The following SLC7A8 variants were observed in gnomAD, a reference collection of about 807,000 sequenced individuals.
The protein encoded by SLC7A8 is solute carrier family 7 member 8.
In SLC7A8, 30 loss-of-function variants were observed where a neutral mutation model predicts 51.2. The ratio of observed to expected loss-of-function variants is 0.59; its 90% CI spans 0.44 to 0.80. SLC7A8 has a LOEUF of 0.80. SLC7A8 is among the 30% of genes least tolerant of loss of function. SLC7A8 has a pLI of 0.00. For missense variants in SLC7A8, 612 were observed against 674.4 expected (o/e 0.91, Z 1.03); for synonymous variants, 257 against 275.8 (o/e 0.93, Z 0.67).
At chr14:23,152,009 T>A (rs545645343) in intron 3 of SLC7A8, among the ~76,000 whole-genome samples, 2 of 152,008 alleles carry the variant, frequency 1.3e-5, no homozygotes, top group South Asian at 4.2e-4. Flanking sequence ...GCCACTGCAC[T>A]CCAGCCTGGG....
chr14:23,138,150 C>T, intron 6 of SLC7A8, 126 bp from the exon 7 acceptor site: 1 of 1,198,000 alleles, frequency 8.3e-7, no homozygotes, highest in South Asian at 1.5e-5. Context: ...CGCCAAGCTT[C>T]TTAATTGCCC....
At chr14:23,143,335 C>T (rs2048762923) in intron 3 of SLC7A8, 131 bp from the exon 4 acceptor site, 2 of 1,291,382 alleles carry the variant, frequency 1.5e-6, no homozygotes, top group Admixed American at 2.2e-5. Flanking sequence ...ATCCAGCAAG[C>T]TCAACCCCAG....
chr14:23,166,272 A>AC, intron 2 of SLC7A8, 64 bp downstream of exon 2: 4 of 1,568,750 alleles, frequency 2.5e-6, no homozygotes, highest in Non-Finnish European at 3.5e-6. Flanking sequence ...TTCCAATCTG[A>AC]CCTCCTTCTG....
At chr14:23,140,249 T>C (rs2048730322) in intron 5 of SLC7A8, among the ~76,000 whole-genome samples, 1 of 152,160 alleles carries the variant, frequency 6.6e-6, no homozygotes, top group Admixed American at 6.5e-5. Flanking sequence ...CAGCTTCTAA[T>C]CTGCTCTGGG....
At chr14:23,144,884 G>A (rs1472770631) in intron 3 of SLC7A8, among the ~76,000 whole-genome samples, 1 of 151,440 alleles carries the variant, frequency 6.6e-6, no homozygotes, top group Non-Finnish European at 1.5e-5. Flanking sequence ...AACAATCCCA[G>A]ACCACTTTGT....
intron 3 of SLC7A8, among the ~76,000 whole-genome samples, chr14:23,152,474 C>T (rs1240754041): frequency 6.6e-6 from 1 of 151,648 alleles, no homozygotes; most frequent in Non-Finnish European, 1.5e-5. Context: ...GGCTGGAGTG[C>T]AGTGGCATGA....
rs527860561 is a variant in SLC7A8, at chr14:23,165,563, C to T, written c.357-127G>A. 3 of 962,102 alleles carry T rather than the reference C, an allele frequency of 3.1e-6. No homozygotes were observed. The highest frequency in any genetic ancestry group is 3.5e-5 in the African/African-American group (2 of 57,088). 59.6% of individuals were successfully genotyped at this position (962,102 alleles called of 1,614,324 possible). On this transcript the variant is annotated intron_variant, in intron 2 of 10. Transcript: ENST00000316902. The surrounding 1 kb of genome is among the most constrained non-coding windows in gnomAD (Gnocchi z 4.2). ...TGCTGAAGAGCCCAGCCTCTGCCCC[C>T]ACCCACAAATGAGACACCCAGCCCT...
At chr14:23,164,766 C>T (rs1027530211) in intron 3 of SLC7A8, among the ~76,000 whole-genome samples, 11 of 151,808 alleles carry the variant, frequency 7.2e-5, no homozygotes, top group East Asian at 1.9e-4. Context: ...CCAAGGCGGG[C>T]GGATCACTTG....
chr14:23,173,134 T>A (rs1252533858), intron 1 of SLC7A8, among the ~76,000 whole-genome samples: 1 of 152,250 alleles, frequency 6.6e-6, no homozygotes, highest in Non-Finnish European at 1.5e-5. Flanking sequence ...ATACTCACCA[T>A]GTACTAGGTT....
At chr14:23,172,357 G>A (rs1327703370) in intron 1 of SLC7A8, among the ~76,000 whole-genome samples, 1 of 152,216 alleles carries the variant, frequency 6.6e-6, no homozygotes, top group Non-Finnish European at 1.5e-5. Context: ...AGGTGGGCGG[G>A]CAGCAGGTAA....
At chr14:23,134,405 C>G (rs1183723105) in intron 7 of SLC7A8, among the ~76,000 whole-genome samples, 1 of 124,004 alleles carries the variant, frequency 8.1e-6, no homozygotes, top group East Asian at 2.4e-4. Context: ...CCACTGCACT[C>G]CAGCCTGGGT....
chr14:23,171,894 C>A (rs902122926), intron 1 of SLC7A8, among the ~76,000 whole-genome samples: 2 of 152,158 alleles, frequency 1.3e-5, no homozygotes, highest in African/African-American at 2.4e-5. Flanking sequence ...CTGACACATG[C>A]CCTGAGGAGT....
In SLC7A8 at chr14:23,140,573, G is replaced by A; in HGVS notation, c.686C>T (p.Pro229Leu). 6.2e-7 allele frequency: 1 copy of A among 1,614,106 alleles called. No individual in the cohort carries two copies. The highest frequency in any genetic ancestry group is 8.5e-7 in the Non-Finnish European group (1 of 1,179,968). The change falls in exon 5 of 11, where the codon CCT becomes CTT. Residue 229 changes from proline to leucine, a missense_variant. Pro to Leu is a moderately conservative substitution (Grantham distance 98, BLOSUM62 -3). Coordinates refer to ENST00000316902, the MANE Select transcript of SLC7A8 (RefSeq NM_012244.4). ...PKNAFENFQE[P>L]DIGLVALAFL... ...AGCCAGTGCGACGAGGCCGATGTCAGGTTCCTGGAAATTCTCAAATGCATT... is the reference window on the plus strand; with the variant it reads ...AGCCAGTGCGACGAGGCCGATGTCAAGTTCCTGGAAATTCTCAAATGCATT...
chr14:23,168,288 T>C (rs2048959859), intron 1 of SLC7A8, among the ~76,000 whole-genome samples: 1 of 152,208 alleles, frequency 6.6e-6, no homozygotes, highest in Non-Finnish European at 1.5e-5. Flanking sequence ...TATTCAGAAG[T>C]ACTGGGTTAG....
In SLC7A8 at chr14:23,165,443, G is replaced by A. The variant is rs2048944635; in HGVS notation, c.357-7C>T. On this transcript the variant is annotated splice_region_variant and splice_polypyrimidine_tract_variant and intron_variant, in intron 2 of 10. Transcript: ENST00000316902. The surrounding 1 kb of genome is among the most constrained non-coding windows in gnomAD (Gnocchi z 4.2). ...AATCCACAGCCTCAGGAACCTGAAG[G>A]AGGAAAGGGACATCCGCCGAAAGGC... The A allele has an allele frequency of 6.3e-7, 1 of 1,581,508 alleles. No homozygotes were observed. The highest frequency in any genetic ancestry group is 1.2e-5 in the South Asian group (1 of 86,416).
chr14:23,150,701 G>T (rs1382626963), intron 3 of SLC7A8, among the ~76,000 whole-genome samples: 2 of 152,188 alleles, frequency 1.3e-5, no homozygotes, highest in African/African-American at 4.8e-5. Flanking sequence ...GTCAAAAAGA[G>T]CATGTGATTT....
At chr14:23,161,412 T>TTCACAGTCATCAGCATG (rs1209787682) in intron 3 of SLC7A8, among the ~76,000 whole-genome samples, 1 of 151,926 alleles carries the variant, frequency 6.6e-6, no homozygotes, top group African/African-American at 2.4e-5. Context: ...AACCTCTCGC[T>TTCACAGTCATCAGCATG]TCACAGTCAT....
chr14:23,179,125 ATCT>A (rs1255445012), intron 1 of SLC7A8, among the ~76,000 whole-genome samples: 2 of 151,970 alleles, frequency 1.3e-5, no homozygotes. Context: ...CCCCTACTTC[ATCT>A]TCTCCTCAAA....
chr14:23,175,261 A>T (rs2048993894), intron 1 of SLC7A8, among the ~76,000 whole-genome samples: 1 of 152,138 alleles, frequency 6.6e-6, no homozygotes, highest in Admixed American at 6.6e-5. Flanking sequence ...GTCCTGGAGT[A>T]AGCAGTAGTG....
Sources: gnomAD v4.1 joint callset for allele counts (sites outside exome capture counted in the v4.1 genomes callset) on GRCh38, gnomAD v4.1.1 for gene constraint, Gnocchi (gnomAD v3.1) non-coding constraint, MANE v1.5 for transcripts, NCBI Gene and HGNC (gene_info 2026-07-23, HGNC 2026-07-21) for gene names.